SDK1: variants seen among roughly 807,000 people sequenced by gnomAD.
SDK1 encodes protein sidekick-1.
Under a neutral mutation model 245.5 loss-of-function variants are expected in SDK1, and 157 were observed. The ratio of observed to expected loss-of-function variants is 0.64; its 90% confidence interval spans 0.56 to 0.73. The LOEUF (loss-of-function observed/expected upper bound fraction) is 0.73, where lower values mean the gene tolerates loss of function less well. SDK1 is among the 30% of genes least tolerant of loss of function. The pLI is 0.00. For missense variants in SDK1, 3,583 were observed against 3,002.3 expected, an observed-to-expected ratio of 1.19 and a Z score of -4.52; for synonymous variants, 1,647 against 1,278.5, an observed-to-expected ratio of 1.29 and a Z score of -6.15.
chr7:3,573,736 G>C (rs1780189259), intron 1 of SDK1, among the ~76,000 whole-genome samples: 2 of 152,046 alleles, frequency 1.3e-5, no homozygotes, highest in African/African-American at 2.4e-5. Flanking sequence ...GAGCCAGGCT[G>C]CGTGGTGGCT....
intron 1 of SDK1, among the ~76,000 whole-genome samples, chr7:3,396,084 G>A (rs1781889012): frequency 6.6e-6 from 1 of 151,656 alleles, no homozygotes; most frequent in African/African-American, 2.4e-5. Flanking sequence ...ATATAGGAAT[G>A]TTAACACTAT....
chr7:4,013,376 C>G (rs1786137606), intron 16 of SDK1, among the ~76,000 whole-genome samples: 1 of 152,234 alleles, frequency 6.6e-6, no homozygotes, highest in African/African-American at 2.4e-5. Flanking sequence ...GATTGCACCA[C>G]TGTGGACATA....
At chr7:4,141,840 T>C (rs1050959402) in intron 28 of SDK1, among the ~76,000 whole-genome samples, 2 of 152,176 alleles carry the variant, frequency 1.3e-5, no homozygotes, top group African/African-American at 2.4e-5. Flanking sequence ...CACTGCAACC[T>C]CCGCCTCCCG....
At chr7:3,781,081 C>G (rs938851117) in intron 4 of SDK1, among the ~76,000 whole-genome samples, 6 of 152,042 alleles carry the variant, frequency 3.9e-5, no homozygotes, top group African/African-American at 1.2e-4. Flanking sequence ...CCTCATAGCT[C>G]CACCCTGACA....
In SDK1 at chr7:3,829,506, C is replaced by G. The variant is rs142487723; in HGVS notation, c.847+7923C>G. ...GGCTCTAAGAGGTTAAATTATTGAC[C>G]CAGATCACAAGAATAGTCAATGGGA... On this transcript the variant is annotated intron_variant, in intron 5 of 44. Coordinates refer to ENST00000404826, the MANE Select transcript of SDK1 (RefSeq NM_152744.4). Among the ~76,000 whole-genome samples, 12 of 152,168 alleles carry G rather than the reference C, an allele frequency of 7.9e-5. No individual in the cohort carries two copies. The East Asian group carries it at 2.3e-3, about 29-fold the overall frequency.
chr7:3,466,263 C>T (rs1283242703), intron 1 of SDK1, among the ~76,000 whole-genome samples: 3 of 151,462 alleles, frequency 2.0e-5, no homozygotes, highest in Non-Finnish European at 4.4e-5. Flanking sequence ...TTCTGGGAGC[C>T]GTGTTCTGCA....
rs1491110037 is a variant in SDK1, at chr7:3,651,131, T to TG, written c.713+9026_713+9027insG. On this transcript the variant is annotated intron_variant, in intron 4 of 44. Transcript: ENST00000404826. ...ATGGTATTTGCATGTTTAGTTTTAGTTTTTTTTTTTTTTTTAAATGCCAAA... is the reference window on the plus strand; with the variant it reads ...ATGGTATTTGCATGTTTAGTTTTAGTGTTTTTTTTTTTTTTTAAATGCCAAA... Among the ~76,000 whole-genome samples, 5 of 1,098 alleles carry TG rather than the reference T, an allele frequency of 4.6e-3. No homozygotes were observed. In the Admixed American group the frequency reaches 0.086, roughly 19 times the overall value. 0.7% of individuals were successfully genotyped at this position (1,098 alleles called of 152,430 possible).
intron 5 of SDK1, among the ~76,000 whole-genome samples, chr7:3,828,252 A>C (rs1160214996): frequency 1.3e-5 from 2 of 152,074 alleles, no homozygotes; most frequent in Non-Finnish European, 2.9e-5. Flanking sequence ...CACTCCAACC[A>C]AGGCGACGGA....
At chr7:4,001,450 T>C (rs1441175563) in intron 14 of SDK1, among the ~76,000 whole-genome samples, 3 of 152,150 alleles carry the variant, frequency 2.0e-5, no homozygotes, top group African/African-American at 7.2e-5. Flanking sequence ...TGGGCCACCT[T>C]TGGTGTCTTG....
chr7:3,516,514 T>A (rs1782756804), intron 1 of SDK1, among the ~76,000 whole-genome samples: 1 of 152,196 alleles, frequency 6.6e-6, no homozygotes, highest in African/African-American at 2.4e-5. Context: ...TTTAAAAAAT[T>A]ATTATGAAAT....
intron 5 of SDK1, among the ~76,000 whole-genome samples, chr7:3,902,583 G>C (rs1232672861): frequency 6.6e-6 from 1 of 151,922 alleles, no homozygotes; most frequent in Non-Finnish European, 1.5e-5. Context: ...TGTATAGCTA[G>C]GTTTACTGGT....
intron 5 of SDK1, among the ~76,000 whole-genome samples, chr7:3,883,055 T>A (rs10272793): frequency 0.014 from 2,119 of 152,240 alleles, 58 homozygotes; most frequent in African/African-American, 0.049. Flanking sequence ...CACTGAGTTA[T>A]TGGTGCAGTT....
At chr7:3,447,931 C>G (rs973632423) in intron 1 of SDK1, among the ~76,000 whole-genome samples, 5 of 151,398 alleles carry the variant, frequency 3.3e-5, no homozygotes, top group African/African-American at 1.2e-4. Flanking sequence ...CTCGAATTCC[C>G]GAGCTCAGGT....
intron 1 of SDK1, among the ~76,000 whole-genome samples, chr7:3,321,751 TC>T (rs1225362432): frequency 1.9e-5 from 1 of 53,538 alleles, no homozygotes. Context: ...CCCCCCTCCT[TC>T]CCCTCCCTCC....
chr7:3,615,993 C>T (rs1386309729), intron 1 of SDK1, among the ~76,000 whole-genome samples: 3 of 152,086 alleles, frequency 2.0e-5, no homozygotes, highest in Admixed American at 1.3e-4. Context: ...CAAGTAATCC[C>T]TCCACCTCAG....
intron 38 of SDK1, among the ~76,000 whole-genome samples, chr7:4,219,150 T>A (rs1784999495): frequency 6.6e-6 from 1 of 152,162 alleles, no homozygotes; most frequent in Non-Finnish European, 1.5e-5. Flanking sequence ...TGCAGTGAAA[T>A]TAATTAATTT....
chr7:3,897,830 T>G (rs1469650697), intron 5 of SDK1, among the ~76,000 whole-genome samples: 1 of 152,096 alleles, frequency 6.6e-6, no homozygotes, highest in Non-Finnish European at 1.5e-5. Context: ...CAAATCCCCT[T>G]TCTTTCCATA....
At chr7:3,622,420 G>A (rs988571223) in intron 2 of SDK1, among the ~76,000 whole-genome samples, 10 of 152,208 alleles carry the variant, frequency 6.6e-5, no homozygotes, top group South Asian at 6.2e-4. Context: ...GGCAGAGGTT[G>A]CAGTGAGCCA....
rs572659449 is a variant in SDK1 at position 3,662,041 on chromosome 7, A to ATT, written c.713+19958_713+19959dup. Among the ~76,000 whole-genome samples the ATT allele has an allele frequency of 3.0e-3, 374 of 125,702 alleles. 3 individuals carry two copies. The highest frequency in any genetic ancestry group is 9.5e-3 in the African/African-American group (301 of 31,662). The allele number at this position is 125,702 out of a possible 152,430, so 82.5% of individuals were successfully genotyped here. On this transcript the variant is annotated intron_variant, in intron 4 of 44. Coordinates refer to ENST00000404826, the MANE Select transcript of SDK1 (RefSeq NM_152744.4). Reference sequence around the variant, plus strand: ...AAATAGAGGAAGAGGCAACGGTTGTATTTTTTTTTTTTTTTTTTTTTTTGG... The same window carrying ATT: ...AAATAGAGGAAGAGGCAACGGTTGTATTTTTTTTTTTTTTTTTTTTTTTTTGG...
Sources: gnomAD v4.1 joint callset for allele counts (sites outside exome capture counted in the v4.1 genomes callset) on GRCh38, gnomAD v4.1.1 for gene constraint, MANE v1.5 for transcripts, NCBI Gene and HGNC (gene_info 2026-07-23, HGNC 2026-07-21) for gene names.